SLC30A6: variants seen among roughly 807,000 people sequenced by gnomAD.
The protein encoded by SLC30A6 is zinc transporter 6.
SLC30A6 carries 55 observed loss-of-function variants against 63.0 expected under a neutral mutation model. The observed-to-expected ratio is 0.87, with a 90% CI of 0.70 to 1.09. SLC30A6 has a LOEUF of 1.09. SLC30A6 is among the 50% of genes least tolerant of loss of function. The pLI, the probability that SLC30A6 is intolerant of heterozygous loss-of-function variation, is 0.00. For synonymous variants in SLC30A6, 224 were observed against 186.1 expected (o/e 1.20, Z -1.66); for missense variants, 587 against 549.2 (o/e 1.07, Z -0.69).
At position 32,190,681 on chromosome 2, in the gene SLC30A6, A is replaced by G. The variant is rs1400733948; in HGVS notation, c.285-1655A>G. ...GGAGTAAAGGCATATTCTGGACTGC[A>G]GTGGCGCAATTCGGCTCACTTCAAC... On this transcript the variant is annotated intron_variant, in intron 5 of 13. Coordinates refer to ENST00000282587, the MANE Select transcript of SLC30A6 (RefSeq NM_017964.5). 3.3e-5 allele frequency among the ~76,000 whole-genome samples: 5 copies of G among 152,186 alleles called. No individual in the cohort carries two copies. The East Asian group carries it at 9.7e-4, about 30-fold the overall frequency.
At chr2:32,217,202 G>A (rs1685788417) in intron 13 of SLC30A6, among the ~76,000 whole-genome samples, 1 of 152,084 alleles carries the variant, frequency 6.6e-6, no homozygotes, top group Admixed American at 6.6e-5. Flanking sequence ...CCCTGCTGAG[G>A]TCTTAAATTT....
At chr2:32,171,927 C>A (rs1049590571) in intron 2 of SLC30A6, among the ~76,000 whole-genome samples, 2 of 152,198 alleles carry the variant, frequency 1.3e-5, no homozygotes, top group Non-Finnish European at 2.9e-5. Flanking sequence ...CTCCCGACCT[C>A]AGGTGATCCG....
At chr2:32,171,891 A>T (rs1681255441) in intron 2 of SLC30A6, among the ~76,000 whole-genome samples, 1 of 151,996 alleles carries the variant, frequency 6.6e-6, no homozygotes, top group East Asian at 1.9e-4. Flanking sequence ...ATGGGGTTTC[A>T]CCATGTTGGT....
At chr2:32,175,295 A>T (rs759083566) in intron 3 of SLC30A6, 24 bp from the exon 4 acceptor site, 1 of 1,606,526 alleles carries the variant, frequency 6.2e-7, no homozygotes, top group South Asian at 1.1e-5. Context: ...TAATACTTTT[A>T]ATCATTTTTT....
At chr2:32,209,858 A>G (rs1347660646) in intron 13 of SLC30A6, among the ~76,000 whole-genome samples, 1 of 152,180 alleles carries the variant, frequency 6.6e-6, no homozygotes, top group African/African-American at 2.4e-5. Context: ...CAAACATGTT[A>G]ATGATAATAA....
intron 11 of SLC30A6, among the ~76,000 whole-genome samples, chr2:32,205,994 T>G (rs1417103854): frequency 6.6e-6 from 1 of 152,088 alleles, no homozygotes; most frequent in African/African-American, 2.4e-5. Context: ...ATATTTATTT[T>G]CCCTCAGTAA....
rs764651481 is a variant in SLC30A6 at position 32,220,341 on chromosome 2, G to C, written c.1014G>C (p.Arg338Ser). Residue 338 changes from arginine (R) to serine (S), a missense_variant, in exon 14 of 14, where the codon AGG (arginine) becomes AGC (serine). Physicochemically the swap from Arg to Ser is moderately radical, Grantham distance 110. Transcript: ENST00000282587. ...TVQIFKDDWI[R>S]PALLSGPVAA... ...AAATTTTCAAGGATGACTGGATTAG[G>C]CCTGCCTTATTGTCTGGGCCTGTTG... The C allele has an allele frequency of 6.2e-7, 1 of 1,614,126 alleles. No homozygotes were observed. Among genetic ancestry groups the C allele is most frequent in the Admixed American group, 1.7e-5 (1 of 60,026 alleles).
intron 8 of SLC30A6, among the ~76,000 whole-genome samples, chr2:32,194,876 A>G (rs943972256): frequency 6.6e-6 from 1 of 152,214 alleles, no homozygotes; most frequent in African/African-American, 2.4e-5. Flanking sequence ...AAATACTATA[A>G]CACTTACTCT....
At chr2:32,205,461 C>T (rs1684674134) in intron 11 of SLC30A6, among the ~76,000 whole-genome samples, 1 of 151,870 alleles carries the variant, frequency 6.6e-6, no homozygotes, top group Admixed American at 6.6e-5. Context: ...CTCCCTTTAA[C>T]AGTACAGATT....
intron 5 of SLC30A6, among the ~76,000 whole-genome samples, chr2:32,190,458 C>CA (rs35454386): frequency 1.1e-3 from 147 of 128,280 alleles, no homozygotes; most frequent in East Asian, 3.8e-3. Context: ...GACTCCGTCT[C>CA]AAAAAAAAAA....
chr2:32,176,667 A>AG (rs1034640309), intron 4 of SLC30A6, among the ~76,000 whole-genome samples: 34 of 152,166 alleles, frequency 2.2e-4, no homozygotes, highest in African/African-American at 8.2e-4. Flanking sequence ...CAAAAAAAAA[A>AG]AAGGCTTTAT....
In SLC30A6 at chr2:32,224,318, G is replaced by A; in HGVS notation, c.*3605G>A. On this transcript the variant is annotated 3_prime_UTR_variant, in exon 14 of 14. Coordinates refer to ENST00000282587, the MANE Select transcript of SLC30A6 (RefSeq NM_017964.5). ...AGGCGCCGATAATCCTAGTAGGAGA[G>A]CTAAGACACAAAACTGTTGCATGTT... The A allele has an allele frequency of 1.7e-6, 1 of 581,574 alleles. No homozygotes were observed. The highest frequency in any genetic ancestry group is 2.4e-5 in the South Asian group (1 of 41,762). The allele number at this position is 581,574 out of a possible 1,614,324, so 36.0% of individuals were successfully genotyped here.
intron 12 of SLC30A6, among the ~76,000 whole-genome samples, chr2:32,207,511 G>A (rs1394621733): frequency 2.0e-5 from 3 of 151,148 alleles, no homozygotes; most frequent in Admixed American, 6.6e-5. Context: ...TGAGTAGCCG[G>A]GACTACAGAT....
chr2:32,175,017 T>C (rs1245367774), intron 3 of SLC30A6, among the ~76,000 whole-genome samples: 1 of 152,212 alleles, frequency 6.6e-6, no homozygotes, highest in East Asian at 1.9e-4. Context: ...ATTCAAACAA[T>C]ACATTTGAAA....
intron 13 of SLC30A6, chr2:32,214,526 G>A (rs573214986): frequency 3.3e-5 from 5 of 151,842 alleles, no homozygotes; most frequent in Admixed American, 2.0e-4. Context: ...TCTCTGTATC[G>A]TTCCAATTTG....
chr2:32,178,904 C>A (rs756260884), intron 4 of SLC30A6, among the ~76,000 whole-genome samples: 3 of 152,124 alleles, frequency 2.0e-5, no homozygotes, highest in Non-Finnish European at 4.4e-5. Context: ...TTTTCTCAGG[C>A]TGGAGTGCAG....
At chr2:32,201,679 G>A in intron 10 of SLC30A6, 2 of 1,484,404 alleles carry the variant, frequency 1.3e-6, no homozygotes, top group Non-Finnish European at 1.8e-6. Context: ...AAGAAGGAGA[G>A]GCAGAAGAGC....
At position 32,220,454 on chromosome 2, in the gene SLC30A6, C is replaced by T; in HGVS notation, c.1127C>T (p.Thr376Ile). The change falls in exon 14 of 14, where the codon ACT becomes ATT. Residue 376 changes from threonine (T) to isoleucine (I), a missense_variant. Coordinates refer to ENST00000282587, the MANE Select transcript of SLC30A6 (RefSeq NM_017964.5). Reference protein sequence around the residue: ...GTDDLNPVTSTPAKPSSPPPE... With the variant: ...GTDDLNPVTSIPAKPSSPPPE... Reference sequence around the variant, plus strand: ...GATGATTTGAACCCAGTTACATCAACTCCAGCTAAACCTAGTAGTCCACCT... The same window carrying T: ...GATGATTTGAACCCAGTTACATCAATTCCAGCTAAACCTAGTAGTCCACCT... 6.2e-7 allele frequency: 1 copy of T among 1,614,224 alleles called. No homozygotes were observed. The highest frequency in any genetic ancestry group is 8.5e-7 in the Non-Finnish European group (1 of 1,180,040).
intron 12 of SLC30A6, among the ~76,000 whole-genome samples, chr2:32,208,338 C>T (rs1684962387): frequency 6.6e-6 from 1 of 151,940 alleles, no homozygotes; most frequent in South Asian, 2.1e-4. Context: ...ACCATGTTGG[C>T]CAGGCTGGTC....
Sources: allele counts gnomAD v4.1 joint callset (sites outside exome capture counted in the v4.1 genomes callset), GRCh38; gene constraint gnomAD v4.1.1; transcripts MANE v1.5; gene names NCBI Gene and HGNC (gene_info 2026-07-23, HGNC 2026-07-21).